Variants in CDKL4 observed in about 807,000 individuals in gnomAD.
The protein encoded by CDKL4 is cyclin-dependent kinase-like 4.
A neutral mutation model predicts 42.0 loss-of-function variants in CDKL4; 44 were observed. The ratio of observed to expected loss-of-function variants is 1.05; its 90% confidence interval spans 0.82 to 1.35. The LOEUF is 1.35. Among genes scored for constraint, CDKL4 ranks in the 40% most tolerant of loss-of-function variants. The pLI, the probability that CDKL4 is intolerant of heterozygous loss-of-function variation, is 0.00. For missense variants in CDKL4, 393 were observed against 369.9 expected, an observed-to-expected ratio of 1.06 and a Z score of -0.51; for synonymous variants, 120 against 121.6, an observed-to-expected ratio of 0.99 and a Z score of 0.09.
chr2:39,192,915 C>T (rs949958986), intron 5 of CDKL4, among the ~76,000 whole-genome samples: 1 of 151,130 alleles, frequency 6.6e-6, no homozygotes, highest in Admixed American at 6.6e-5. Context: ...CGTGTGAGCC[C>T]AGGAGTTTGA....
chr2:39,183,166 G>C (rs1011809536), intron 8 of CDKL4, among the ~76,000 whole-genome samples: 2 of 152,096 alleles, frequency 1.3e-5, no homozygotes, highest in Non-Finnish European at 2.9e-5. Flanking sequence ...TGTAGTCCCA[G>C]TTACTTGGGA....
At chr2:39,179,693 C>T (rs955469935) in intron 8 of CDKL4, among the ~76,000 whole-genome samples, 2 of 152,176 alleles carry the variant, frequency 1.3e-5, no homozygotes, top group African/African-American at 4.8e-5. Context: ...AGTCTTGGGT[C>T]CTATACCCCG....
At position 39,207,766 on chromosome 2, in the gene CDKL4, A is replaced by G. The variant is rs1224184163; in HGVS notation, c.364-3149T>C. 2.0e-5 allele frequency among the ~76,000 whole-genome samples: 3 copies of G among 152,322 alleles called. No individual in the cohort carries two copies. The East Asian group carries it at 5.8e-4, about 29-fold the overall frequency. ...GAGCAGGTAACAGAAGTTATTGATA[A>G]AGAGTGAGAGGATACTGAAGAAATT... On this transcript the variant is annotated intron_variant, in intron 4 of 9. Coordinates refer to ENST00000451199, the Ensembl canonical transcript of CDKL4.
upstream of CDKL4, among the ~76,000 whole-genome samples, chr2:39,244,899 C>T (rs1558594120): frequency 6.6e-6 from 1 of 152,156 alleles, no homozygotes; most frequent in Non-Finnish European, 1.5e-5. Flanking sequence ...CTGTATCTAG[C>T]TGCTCTGGTG....
intron 4 of CDKL4, among the ~76,000 whole-genome samples, chr2:39,204,997 A>T (rs1677076417): frequency 6.6e-6 from 1 of 151,712 alleles, no homozygotes; most frequent in African/African-American, 2.4e-5. Context: ...TGGGCAATGC[A>T]ATGAGACCCT....
At chr2:39,190,742 G>A (rs1039765638) in intron 5 of CDKL4, among the ~76,000 whole-genome samples, 8 of 152,174 alleles carry the variant, frequency 5.3e-5, no homozygotes, top group African/African-American at 1.9e-4. Flanking sequence ...GGCGGGTGGT[G>A]TGATAGGGAT....
At chr2:39,222,653 C>T (rs933115014) in intron 3 of CDKL4, among the ~76,000 whole-genome samples, 6 of 151,952 alleles carry the variant, frequency 3.9e-5, no homozygotes, top group African/African-American at 1.2e-4. Context: ...AGGCTAGAAC[C>T]TTCTAGATTA....
the CDKL4 span, among the ~76,000 whole-genome samples, chr2:39,170,277 CA>C: frequency 0.016 from 692 of 42,898 alleles, 2 homozygotes; most frequent in African/African-American, 0.03. Context: ...ACCCTGTCTC[CA>C]AAAAAAAAAA....
At chr2:39,211,246 G>A (rs2148349312) in intron 4 of CDKL4, among the ~76,000 whole-genome samples, 1 of 152,264 alleles carries the variant, frequency 6.6e-6, no homozygotes, top group South Asian at 2.1e-4. Flanking sequence ...AATTGGCTGA[G>A]TGTAGTGGCA....
chr2:39,222,121 A>G (rs752157479), intron 3 of CDKL4, among the ~76,000 whole-genome samples: 3 of 152,230 alleles, frequency 2.0e-5, no homozygotes, highest in Non-Finnish European at 4.4e-5. Flanking sequence ...TATGCCCTCA[A>G]AAAACTTATA....
At chr2:39,225,898 A>G (rs1169739132) in exon 3 of CDKL4, 1 of 1,612,006 alleles carries the variant, frequency 6.2e-7, no homozygotes, top group Non-Finnish European at 8.5e-7. Flanking sequence ...CAAAAACTAA[A>G]TGCATTTTCC....
chr2:39,189,932 G>C (rs1385934977), intron 6 of CDKL4, among the ~76,000 whole-genome samples: 1 of 152,128 alleles, frequency 6.6e-6, no homozygotes, highest in East Asian at 1.9e-4. Context: ...TAGAGTAAAG[G>C]GGGGAACCTC....
intron 5 of CDKL4, among the ~76,000 whole-genome samples, chr2:39,197,564 G>A (rs1317034800): frequency 1.3e-5 from 2 of 152,056 alleles, no homozygotes; most frequent in African/African-American, 4.8e-5. Context: ...CAAGACAAAG[G>A]AAAGAATATT....
At chr2:39,173,277 G>A, downstream of CDKL4, among the ~76,000 whole-genome samples, 1 of 152,154 alleles carries the variant, frequency 6.6e-6, no homozygotes, top group East Asian at 1.9e-4. Flanking sequence ...GTAATAAGAA[G>A]GCTTAAATGA....
chr2:39,172,969 C>T (rs1312474389), downstream of CDKL4, among the ~76,000 whole-genome samples: 2 of 152,050 alleles, frequency 1.3e-5, no homozygotes, highest in African/African-American at 2.4e-5. Context: ...CCAGTGACAC[C>T]TAAGTGATGG....
rs1675287131 is a variant in CDKL4, at chr2:39,179,014, T to G, written c.927+173A>C. On this transcript the variant is annotated intron_variant, in intron 9 of 9. Transcript: ENST00000451199. ...TTTTGCAATAATCTTGATATTTTCA[T>G]AGTTCTATGGTTTTATTACATCAAT... 21 of 1,458,556 alleles carry G rather than the reference T, an allele frequency of 1.4e-5. 1 individual carries two copies. In the Middle Eastern group the frequency reaches 7.5e-4, roughly 52 times the overall value. The allele number at this position is 1,458,556 out of a possible 1,614,324, so 90.4% of individuals were successfully genotyped here.
chr2:39,246,445 T>G (rs942643606), upstream of CDKL4, among the ~76,000 whole-genome samples: 1 of 152,242 alleles, frequency 6.6e-6, no homozygotes, highest in Non-Finnish European at 1.5e-5. Flanking sequence ...TTCATGATAC[T>G]TGCTCTCCAG....
At chr2:39,242,924 C>A (rs1679731861) in intron 1 of CDKL4, among the ~76,000 whole-genome samples, 1 of 151,372 alleles carries the variant, frequency 6.6e-6, no homozygotes, top group South Asian at 2.1e-4. Flanking sequence ...GTGGTGAAAC[C>A]CCATTTCTTC....
chr2:39,228,202 G>C (rs79781567), intron 2 of CDKL4, among the ~76,000 whole-genome samples: 5,146 of 152,222 alleles, frequency 0.034, 128 homozygotes, highest in South Asian at 0.056. Flanking sequence ...TTATTAGAAA[G>C]CCACACTGCT....
Sources: gnomAD v4.1 joint callset for allele counts (sites outside exome capture counted in the v4.1 genomes callset) on GRCh38, gnomAD v4.1.1 for gene constraint, MANE v1.5 for transcripts, NCBI Gene and HGNC (gene_info 2026-07-23, HGNC 2026-07-21) for gene names.